Variants in SYNE1 observed in about 807,000 individuals in gnomAD.
The protein encoded by SYNE1 is nesprin-1.
In SYNE1, 616 loss-of-function variants were observed where a neutral mutation model predicts 1,111.0. The ratio of observed to expected loss-of-function variants is 0.55; its 90% confidence interval spans 0.52 to 0.59. SYNE1 has a LOEUF of 0.59. SYNE1 is among the 20% of genes least tolerant of loss of function. The pLI is 0.00. For missense variants in SYNE1, 10,006 were observed against 10,417.0 expected (o/e 0.96, Z 1.72); for synonymous variants, 3,855 against 3,825.8 (o/e 1.01, Z -0.28).
rs17082176 is a variant in SYNE1, at chr6:152,133,529, G to T, written c.25789-41C>A. On this transcript the variant is annotated intron_variant, in intron 142 of 145. Coordinates refer to ENST00000367255, the MANE Select transcript of SYNE1 (RefSeq NM_182961.4). ...CAAATTAATTTTTCTAAGCATTTTT[G>T]ATAATTGGCAAAAGCTCCAAAAGTG... 1.5e-3 allele frequency: 2,468 copies of T among 1,594,364 alleles called. 33 individuals carry two copies. In the African/African-American group the frequency reaches 0.029, roughly 19 times the overall value.
chr6:152,277,874 A>G (rs569135710), intron 98 of SYNE1: 78 of 626,050 alleles, frequency 1.2e-4, no homozygotes, highest in South Asian at 1.2e-3. Flanking sequence ...TCCGCTGAAC[A>G]GCTGTTGTTA....
intron 37 of SYNE1, 117 bp downstream of exon 37, chr6:152,428,088 A>T: frequency 7.2e-7 from 1 of 1,382,884 alleles, no homozygotes. Flanking sequence ...TTCCTACAGT[A>T]GACCCACAAG....
intron 6 of SYNE1, among the ~76,000 whole-genome samples, chr6:152,515,885 G>T (rs570216753): frequency 2.0e-5 from 3 of 152,240 alleles, no homozygotes; most frequent in African/African-American, 7.2e-5. Flanking sequence ...CTGCAAATAA[G>T]AGAAAAGCTA....
Position 152,427,733 on chromosome 6 carries a change from G to A in SYNE1, c.5060C>T (p.Ala1687Val). ...KASSPEMDIS[A>V]DRVKVEGELQ... ...TTCACCTTCCACTTTGACTCTGTCT[G>A]CAGAAATGTCCATTTCTGGGGAACT... Residue 1687 changes from alanine to valine, a missense_variant, in exon 38 of 146, where the codon GCA becomes GTA. By Grantham distance (64) the Ala-to-Val change is moderately conservative. Around this residue, in one of 7 missense-constraint regions of SYNE1, gnomAD observed 1,971 missense variants for 2,084.1 expected, o/e 0.95. Coordinates refer to ENST00000367255, the MANE Select transcript of SYNE1 (RefSeq NM_182961.4). 3.1e-6 allele frequency: 5 copies of A among 1,614,016 alleles called. No individual in the cohort carries two copies. Among genetic ancestry groups the A allele is most frequent in the Non-Finnish European group, 3.4e-6 (4 of 1,179,930 alleles).
At chr6:152,392,941 A>G (rs1212145580) in intron 51 of SYNE1, among the ~76,000 whole-genome samples, 1 of 152,176 alleles carries the variant, frequency 6.6e-6, no homozygotes, top group African/African-American at 2.4e-5. Context: ...GGTGAAAAGA[A>G]ATCTAGAAGA....
chr6:152,463,333 T>C lies in SYNE1; in HGVS notation c.2097+20A>G, dbSNP rs201761319. The C allele has an allele frequency of 7.0e-5, 113 of 1,613,468 alleles. No homozygotes were observed. Among genetic ancestry groups the C allele is most frequent in the Non-Finnish European group, 9.3e-5 (110 of 1,179,614 alleles). ...TGTAACACATACACGTTGAGGTGTA[T>C]ATAGACTTGAAAGACATACTTGCTT... On this transcript the variant is annotated intron_variant, in intron 19 of 145. Coordinates refer to ENST00000367255, the MANE Select transcript of SYNE1 (RefSeq NM_182961.4).
chr6:152,395,735 A>T, intron 50 of SYNE1, 64 bp from the exon 51 acceptor site: 1 of 1,559,666 alleles, frequency 6.4e-7, no homozygotes, highest in Non-Finnish European at 8.8e-7. Flanking sequence ...TACTTTTAAT[A>T]GCTGAGGTCA....
intron 122 of SYNE1, 60 bp downstream of exon 122, chr6:152,214,846 T>G: frequency 1.3e-6 from 2 of 1,595,482 alleles, no homozygotes; most frequent in Non-Finnish European, 1.7e-6. Flanking sequence ...TATTTTGACA[T>G]AGCGGCACAA....
At chr6:152,562,704 T>C (rs770795130) in intron 3 of SYNE1, among the ~76,000 whole-genome samples, 1 of 152,202 alleles carries the variant, frequency 6.6e-6, no homozygotes, top group African/African-American at 2.4e-5. Context: ...CTAATGTAGA[T>C]GATGGGTTGA....
chr6:152,413,941 A>T (rs1361198949), intron 41 of SYNE1, among the ~76,000 whole-genome samples: 1 of 151,736 alleles, frequency 6.6e-6, no homozygotes, highest in Non-Finnish European at 1.5e-5. Flanking sequence ...TAAGGATTAC[A>T]GTTGTTTCAT....
intron 10 of SYNE1, among the ~76,000 whole-genome samples, chr6:152,499,604 G>C (rs376079569): frequency 1.5e-4 from 23 of 152,050 alleles, no homozygotes; most frequent in African/African-American, 5.6e-4. Flanking sequence ...AATACGCATA[G>C]TTTACAAAAT....
intron 3 of SYNE1, among the ~76,000 whole-genome samples, chr6:152,607,522 G>A (rs12210466): frequency 0.1 from 15,172 of 152,066 alleles, 871 homozygotes; most frequent in African/African-American, 0.16. Context: ...AATGCTGATT[G>A]TTAAAAAGTC....
intron 119 of SYNE1, 75 bp downstream of exon 119, chr6:152,220,767 T>C (rs2079995161): frequency 2.2e-6 from 3 of 1,378,404 alleles, no homozygotes; most frequent in Admixed American, 1.7e-5. Context: ...ATACCAAAGC[T>C]TACACAGACC....
chr6:152,385,636 T>C, intron 55 of SYNE1, 38 bp downstream of exon 55: 1 of 1,608,522 alleles, frequency 6.2e-7, no homozygotes, highest in African/African-American at 1.3e-5. Context: ...CAAGAAGGAA[T>C]GAAGCAATGT....
At chr6:152,191,188 T>C (rs535832272) in intron 127 of SYNE1, among the ~76,000 whole-genome samples, 1 of 152,216 alleles carries the variant, frequency 6.6e-6, no homozygotes, top group South Asian at 2.1e-4. Context: ...TTTTAATGAA[T>C]ATTTTTACAT....
chr6:152,169,591 A>C (rs868546413), intron 130 of SYNE1, among the ~76,000 whole-genome samples: 3 of 119,260 alleles, frequency 2.5e-5, no homozygotes, highest in East Asian at 2.4e-4. Context: ...AAGGAAATAC[A>C]CCTGCCAGCC....
intron 133 of SYNE1, 101 bp downstream of exon 133, chr6:152,154,791 A>T (rs2152940810): frequency 7.4e-7 from 1 of 1,349,188 alleles, no homozygotes; most frequent in East Asian, 2.3e-5. Flanking sequence ...ATTTGAGCAG[A>T]TAACATGTGG....
rs773019397 is a variant in SYNE1, at chr6:152,484,038, C to CAAAAAAAAAAAAAAA, written c.1185+782_1186-790dup. 1.9e-3 allele frequency among the ~76,000 whole-genome samples: 99 copies of CAAAAAAAAAAAAAAA among 53,498 alleles called. 5 individuals carry two copies. Among genetic ancestry groups the CAAAAAAAAAAAAAAA allele is most frequent in the Middle Eastern group, 0.015 (1 of 68 alleles). The allele number at this position is 53,498 out of a possible 152,430, so 35.1% of individuals were successfully genotyped here. ...GCAATATAGTGAGATCTCATCTCTACAAAAAAAAAAAAAAAAAAAAAAAAT... is the reference window on the plus strand; with the variant it reads ...GCAATATAGTGAGATCTCATCTCTACAAAAAAAAAAAAAAAAAAAAAAAAAAAAAAAAAAAAAAAT... On this transcript the variant is annotated intron_variant, in intron 13 of 145. Coordinates refer to ENST00000367255, the MANE Select transcript of SYNE1 (RefSeq NM_182961.4).
chr6:152,273,725 C>T (rs139809759), intron 98 of SYNE1, among the ~76,000 whole-genome samples: 1 of 152,332 alleles, frequency 6.6e-6, no homozygotes, highest in East Asian at 1.9e-4. Flanking sequence ...TCCAGCAATG[C>T]CACTTGTAAA....
Sources: allele counts gnomAD v4.1 joint callset (sites outside exome capture counted in the v4.1 genomes callset), GRCh38; gene constraint gnomAD v4.1.1; regional missense constraint gnomAD v4.1.1; transcripts MANE v1.5; gene names NCBI Gene and HGNC (gene_info 2026-07-23, HGNC 2026-07-21).